The following ABRAXAS2 variants were observed in gnomAD, a reference collection of about 807,000 sequenced individuals.
The protein encoded by ABRAXAS2 is BRISC complex subunit Abraxas 2.
Under a neutral mutation model 49.0 loss-of-function variants are expected in ABRAXAS2, and 23 were observed. That is an observed-to-expected ratio of 0.47 (90% CI 0.34 to 0.66). The LOEUF is 0.66. Among genes scored for constraint, ABRAXAS2 ranks in the 30% least tolerant of loss-of-function variants. ABRAXAS2 has a pLI of 0.01. For missense variants in ABRAXAS2, 443 were observed against 511.9 expected (o/e 0.87, Z 1.30); for synonymous variants, 168 against 180.2 (o/e 0.93, Z 0.54).
chr10:124,833,931 T>C (rs537353439), intron 8 of ABRAXAS2, among the ~76,000 whole-genome samples: 65 of 152,290 alleles, frequency 4.3e-4, no homozygotes, highest in South Asian at 2.3e-3. Context: ...TTATGACAGG[T>C]AGCTATAAAG....
At chr10:124,834,473 G>A in intron 8 of ABRAXAS2, 29 bp from the exon 9 acceptor site, 2 of 1,575,922 alleles carry the variant, frequency 1.3e-6, no homozygotes, top group Non-Finnish European at 1.7e-6. Flanking sequence ...AATCTAGAAA[G>A]TGTTAGAATA....
chr10:124,806,793 A>T, intron 1 of ABRAXAS2, 38 bp from the exon 2 acceptor site: 1 of 1,343,378 alleles, frequency 7.4e-7, no homozygotes, highest in African/African-American at 1.5e-5. Flanking sequence ...AGTCATTTTT[A>T]TTTTTAGTCT....
intron 3 of ABRAXAS2, among the ~76,000 whole-genome samples, chr10:124,818,369 C>T (rs1564921614): frequency 6.8e-6 from 1 of 147,420 alleles, no homozygotes; most frequent in Non-Finnish European, 1.5e-5. Context: ...GCACTCCAGC[C>T]TGGGTGACAG....
chr10:124,810,873 G>A (rs910421964), intron 2 of ABRAXAS2, among the ~76,000 whole-genome samples: 3 of 150,878 alleles, frequency 2.0e-5, no homozygotes, highest in African/African-American at 7.3e-5. Context: ...GAGCGACCAC[G>A]CTGGCCCATC....
At chr10:124,816,751 AC>A in intron 3 of ABRAXAS2, 139 bp downstream of exon 3, 1 of 641,476 alleles carries the variant, frequency 1.6e-6, no homozygotes, top group African/African-American at 1.8e-5. Flanking sequence ...TGCTTTGTAC[AC>A]GGCACTGTGT....
chr10:124,816,477 TG>T, intron 2 of ABRAXAS2, 98 bp from the exon 3 acceptor site: 1 of 767,272 alleles, frequency 1.3e-6, no homozygotes, highest in Non-Finnish European at 2.1e-6. Context: ...CTGTCTTTGT[TG>T]TCAGAGATTT....
intron 4 of ABRAXAS2, among the ~76,000 whole-genome samples, chr10:124,824,601 A>G (rs1254120405): frequency 6.6e-6 from 1 of 152,054 alleles, no homozygotes; most frequent in Non-Finnish European, 1.5e-5. Flanking sequence ...TCGAATTGGC[A>G]TAACTGAAAA....
intron 2 of ABRAXAS2, among the ~76,000 whole-genome samples, chr10:124,812,985 T>G (rs1950799804): frequency 6.6e-6 from 1 of 152,164 alleles, no homozygotes; most frequent in African/African-American, 2.4e-5. Flanking sequence ...GCAGATCACC[T>G]GAGGTCAGGA....
chr10:124,810,588 G>A lies in ABRAXAS2; in HGVS notation c.163+3667G>A, dbSNP rs570238244. On this transcript the variant is annotated intron_variant, in intron 2 of 8. Transcript: ENST00000298492. ...TTAGTCTTTCGTCGAGGATGTTTTT[G>A]GTTTTTTTTTTTTGAGATGGAGTCT... is the stretch of plus-strand genomic sequence containing the variant. 3.3e-3 allele frequency among the ~76,000 whole-genome samples: 243 copies of A among 73,218 alleles called. 2 individuals are homozygous for A. Among genetic ancestry groups the A allele is most frequent in the African/African-American group, 9.8e-3 (223 of 22,690 alleles). 48.0% of individuals were successfully genotyped at this position (73,218 alleles called of 152,430 possible).
chr10:124,831,525 A>T (rs1033224859), intron 8 of ABRAXAS2, 62 bp downstream of exon 8: 2 of 854,294 alleles, frequency 2.3e-6, no homozygotes, highest in South Asian at 3.1e-5. Flanking sequence ...ACATCAGATT[A>T]TACTATACAA....
At chr10:124,810,944 G>A (rs1950782948) in intron 2 of ABRAXAS2, among the ~76,000 whole-genome samples, 1 of 151,302 alleles carries the variant, frequency 6.6e-6, no homozygotes. Flanking sequence ...AAACAGCCGG[G>A]CGTGGTGGCT....
intron 4 of ABRAXAS2, among the ~76,000 whole-genome samples, chr10:124,822,803 A>C (rs910806830): frequency 6.6e-6 from 1 of 152,122 alleles, no homozygotes. Context: ...AAAAAAAAAA[A>C]AAAAAGACTC....
intron 2 of ABRAXAS2, among the ~76,000 whole-genome samples, chr10:124,813,826 G>A (rs1364429232): frequency 2.0e-5 from 3 of 152,166 alleles, no homozygotes; most frequent in African/African-American, 7.2e-5. Context: ...CACATTCAGA[G>A]TTCAGAACTT....
rs575121903 is a variant in ABRAXAS2 at position 124,806,915 on chromosome 10, G to A, written c.157G>A (p.Val53Ile). The change falls in exon 2 of 9, where the codon GTA (valine) becomes ATA (isoleucine). Residue 53 changes from valine (V) to isoleucine (I), a missense_variant. Transcript: ENST00000298492. ...AATCAGCAACACAGAATTTCTGCAA[G>A]TAATTGGTAAGTAAATTTCTCAATG... ...SQISNTEFLQ[V>I]IEIHNHQPCS... 2.5e-6 allele frequency: 4 copies of A among 1,602,026 alleles called. No individual in the cohort carries two copies. In the African/African-American group the frequency reaches 5.3e-5, roughly 21 times the overall value.
intron 1 of ABRAXAS2, among the ~76,000 whole-genome samples, chr10:124,804,162 T>G (rs1202683096): frequency 2.6e-5 from 4 of 152,168 alleles, no homozygotes; most frequent in Non-Finnish European, 5.9e-5. Context: ...TTTGGCCTCT[T>G]AAAGTGTTGA....
At chr10:124,816,451 T>G (rs910654204) in intron 2 of ABRAXAS2, 125 bp from the exon 3 acceptor site, 5 of 668,106 alleles carry the variant, frequency 7.5e-6, no homozygotes, top group South Asian at 5.6e-5. Flanking sequence ...TAGCAACTGT[T>G]TGGCAGAGGG....
chr10:124,806,015 G>A (rs1237614032), intron 1 of ABRAXAS2, among the ~76,000 whole-genome samples: 1 of 152,034 alleles, frequency 6.6e-6, no homozygotes, highest in African/African-American at 2.4e-5. Context: ...AAAGAAAAAG[G>A]TTCGGCTGGG....
intron 2 of ABRAXAS2, among the ~76,000 whole-genome samples, chr10:124,810,958 G>T (rs1252322826): frequency 6.7e-6 from 1 of 149,564 alleles, no homozygotes; most frequent in Non-Finnish European, 1.5e-5. Flanking sequence ...GGTGGCTCAC[G>T]CCTGTAATCC....
intron 3 of ABRAXAS2, among the ~76,000 whole-genome samples, chr10:124,818,616 C>G (rs939843071): frequency 6.6e-6 from 1 of 151,968 alleles, no homozygotes; most frequent in African/African-American, 2.4e-5. Context: ...TTAACCGTAT[C>G]TTGAACTCCT....
Sources: gnomAD v4.1 joint callset for allele counts (sites outside exome capture counted in the v4.1 genomes callset) on GRCh38, gnomAD v4.1.1 for gene constraint, MANE v1.5 for transcripts, NCBI Gene and HGNC (gene_info 2026-07-23, HGNC 2026-07-21) for gene names.